CNTNAP2: variants seen among roughly 807,000 people sequenced by gnomAD.
The protein encoded by CNTNAP2 is contactin associated protein 2.
In CNTNAP2, 98 loss-of-function variants were observed where a neutral mutation model predicts 155.2. The observed-to-expected ratio is 0.63, with a 90% CI of 0.54 to 0.75. The LOEUF is 0.75. CNTNAP2 is among the 30% of genes least tolerant of loss of function. CNTNAP2 has a pLI of 0.00. For synonymous variants in CNTNAP2, 651 were observed against 631.2 expected (o/e 1.03, Z -0.47); for missense variants, 1,727 against 1,688.1 (o/e 1.02, Z -0.40).
At chr7:147,694,030 G>A (rs367677966) in intron 13 of CNTNAP2, among the ~76,000 whole-genome samples, 2 of 151,838 alleles carry the variant, frequency 1.3e-5, no homozygotes, top group East Asian at 3.9e-4. Context: ...CTACTTTATT[G>A]AGCATTTTGT....
chr7:147,276,808 T>G (rs557402460), intron 8 of CNTNAP2, among the ~76,000 whole-genome samples: 1 of 151,672 alleles, frequency 6.6e-6, no homozygotes, highest in Non-Finnish European at 1.5e-5. Flanking sequence ...AAATTTTTCT[T>G]TCAAATGCTG....
intron 13 of CNTNAP2, among the ~76,000 whole-genome samples, chr7:147,765,681 TA>T (rs902601846): frequency 2.0e-5 from 3 of 151,898 alleles, no homozygotes; most frequent in Non-Finnish European, 2.9e-5. Flanking sequence ...GCGTATAAAG[TA>T]AAAAAAACAT....
At chr7:147,439,384 TA>T (rs1394438336) in intron 10 of CNTNAP2, among the ~76,000 whole-genome samples, 2 of 152,018 alleles carry the variant, frequency 1.3e-5, no homozygotes, top group Non-Finnish European at 2.9e-5. Flanking sequence ...TGCATTTGTA[TA>T]GTTTCCAAAA....
intron 8 of CNTNAP2, among the ~76,000 whole-genome samples, chr7:147,298,194 C>T (rs1001647190): frequency 1.3e-5 from 2 of 151,972 alleles, no homozygotes; most frequent in South Asian, 4.2e-4. Context: ...TTTGGGAGGC[C>T]AAGGTGGGTG....
chr7:147,990,293 G>A (rs1324764020), intron 15 of CNTNAP2, among the ~76,000 whole-genome samples: 1 of 152,154 alleles, frequency 6.6e-6, no homozygotes, highest in Non-Finnish European at 1.5e-5. Context: ...AAACACAAAA[G>A]GCAGCTCAAC....
At chr7:147,533,889 A>C (rs1468899792) in intron 11 of CNTNAP2, among the ~76,000 whole-genome samples, 1 of 152,234 alleles carries the variant, frequency 6.6e-6, no homozygotes, top group Non-Finnish European at 1.5e-5. Context: ...TCAATAAGTG[A>C]AACCATTAGA....
chr7:146,613,073 A>G (rs1040142978), intron 1 of CNTNAP2, among the ~76,000 whole-genome samples: 26 of 151,916 alleles, frequency 1.7e-4, no homozygotes, highest in African/African-American at 5.3e-4. Context: ...TCTTCCTTAT[A>G]TTTTCCCTAT....
At chr7:148,257,662 A>C (rs991301589) in intron 20 of CNTNAP2, among the ~76,000 whole-genome samples, 8 of 152,138 alleles carry the variant, frequency 5.3e-5, no homozygotes, top group African/African-American at 9.7e-5. Context: ...ATGTGGTCCC[A>C]AAAACAAGTT....
At chr7:147,271,363 G>A (rs906148668) in intron 8 of CNTNAP2, among the ~76,000 whole-genome samples, 5 of 152,138 alleles carry the variant, frequency 3.3e-5, no homozygotes, top group African/African-American at 9.7e-5. Context: ...GATGTCTAAT[G>A]TCTTTATATG....
intron 3 of CNTNAP2, among the ~76,000 whole-genome samples, chr7:146,957,488 A>G (rs555449960): frequency 1.3e-5 from 2 of 152,328 alleles, no homozygotes; most frequent in African/African-American, 2.4e-5. Context: ...GGTAAATGCA[A>G]TTAAGTTTTA....
intron 15 of CNTNAP2, among the ~76,000 whole-genome samples, chr7:148,090,032 C>T (rs976888069): frequency 6.6e-6 from 1 of 151,848 alleles, no homozygotes; most frequent in African/African-American, 2.4e-5. Context: ...AGGACAGTCT[C>T]TTCAAGAATG....
intron 3 of CNTNAP2, among the ~76,000 whole-genome samples, chr7:146,951,922 T>C (rs922821499): frequency 3.3e-5 from 5 of 152,064 alleles, no homozygotes; most frequent in African/African-American, 9.7e-5. Context: ...TTCCTATCCA[T>C]GAGCATGGAA....
At chr7:147,882,143 C>T (rs537243577) in intron 13 of CNTNAP2, among the ~76,000 whole-genome samples, 2 of 150,964 alleles carry the variant, frequency 1.3e-5, no homozygotes, top group East Asian at 3.9e-4. Context: ...AAAACATAAT[C>T]AGAAAAAAAA....
At chr7:147,974,151 T>G (rs1010438869) in intron 14 of CNTNAP2, among the ~76,000 whole-genome samples, 2 of 152,216 alleles carry the variant, frequency 1.3e-5, no homozygotes, top group East Asian at 3.8e-4. Flanking sequence ...ATTTCCAAAT[T>G]ATGAGAGTGT....
At chr7:148,151,110 G>A (rs969943595) in intron 17 of CNTNAP2, among the ~76,000 whole-genome samples, 2 of 152,122 alleles carry the variant, frequency 1.3e-5, no homozygotes, top group Non-Finnish European at 2.9e-5. Context: ...ACAATGGTGT[G>A]TGGTTAACAA....
chr7:146,759,499 C>G (rs979055875), intron 1 of CNTNAP2, among the ~76,000 whole-genome samples: 2 of 151,880 alleles, frequency 1.3e-5, no homozygotes, highest in Non-Finnish European at 2.9e-5. Flanking sequence ...CAAGACCATC[C>G]TGGCCAACAT....
chr7:147,049,771 A>G (rs1259719939), intron 4 of CNTNAP2, among the ~76,000 whole-genome samples: 1 of 152,180 alleles, frequency 6.6e-6, no homozygotes, highest in Non-Finnish European at 1.5e-5. Flanking sequence ...AAAACTAGAG[A>G]GAGAGAGAGA....
At chr7:147,333,006 T>C (rs569454860) in intron 9 of CNTNAP2, among the ~76,000 whole-genome samples, 1 of 152,312 alleles carries the variant, frequency 6.6e-6, no homozygotes, top group South Asian at 2.1e-4. Flanking sequence ...GTCTTTAATA[T>C]ACAAGGGATA....
chr7:146,905,372 T>G (rs1336727107), intron 3 of CNTNAP2, among the ~76,000 whole-genome samples: 7 of 152,090 alleles, frequency 4.6e-5, no homozygotes, highest in Admixed American at 2.0e-4. Context: ...TTTATCCACA[T>G]TCTCATCACC....
Sources: allele counts gnomAD v4.1 joint callset (sites outside exome capture counted in the v4.1 genomes callset), GRCh38; gene constraint gnomAD v4.1.1; transcripts MANE v1.5; gene names NCBI Gene and HGNC (gene_info 2026-07-23, HGNC 2026-07-21).